Variants in NEDD9 observed in about 807,000 individuals in gnomAD.
NEDD9 encodes the protein enhancer of filamentation 1.
A neutral mutation model predicts 76.6 loss-of-function variants in NEDD9; 26 were observed. That is an observed-to-expected ratio of 0.34 (90% CI 0.25 to 0.47). The LOEUF (loss-of-function observed/expected upper bound fraction) is 0.47, where lower values mean the gene tolerates loss of function less well. Among genes scored for constraint, NEDD9 ranks in the 20% least tolerant of loss-of-function variants. The probability of loss-of-function intolerance (pLI) is 1.00; values close to 1 mark genes in which losing one functional copy is unlikely to be tolerated. For synonymous variants in NEDD9, 392 were observed against 414.2 expected (o/e 0.95, Z 0.65); for missense variants, 937 against 1,058.5 (o/e 0.89, Z 1.59).
At chr6:11,276,389 G>A (rs1450866164) in intron 3 of NEDD9, among the ~76,000 whole-genome samples, 1 of 152,180 alleles carries the variant, frequency 6.6e-6, no homozygotes, top group Non-Finnish European at 1.5e-5. Flanking sequence ...ACGTGTGTGT[G>A]TGCGTGCATG....
chr6:11,201,095 C>T (rs757316022), intron 2 of NEDD9: 4 of 1,611,132 alleles, frequency 2.5e-6, no homozygotes, highest in Non-Finnish European at 3.4e-6. Flanking sequence ...CACATTGTGT[C>T]ACTTGTTCAA....
intron 1 of NEDD9, among the ~76,000 whole-genome samples, chr6:11,358,076 C>T (rs921365719): frequency 6.6e-6 from 1 of 151,906 alleles, no homozygotes; most frequent in Non-Finnish European, 1.5e-5. Flanking sequence ...GGTGAAACCC[C>T]GTCTCTACTA....
intron 1 of NEDD9, among the ~76,000 whole-genome samples, chr6:11,356,461 C>T (rs78969400): frequency 8.7e-4 from 133 of 152,310 alleles, no homozygotes; most frequent in Middle Eastern, 6.8e-3. Context: ...CCACACATCT[C>T]GCAAATGGCC....
At chr6:11,362,698 A>T (rs1045170730) in intron 1 of NEDD9, among the ~76,000 whole-genome samples, 3 of 152,174 alleles carry the variant, frequency 2.0e-5, no homozygotes, top group Admixed American at 1.3e-4. Context: ...ATAGTCACCT[A>T]CTCACTTGGG....
intron 1 of NEDD9, among the ~76,000 whole-genome samples, chr6:11,335,220 G>C (rs1762131776): frequency 6.6e-6 from 1 of 152,198 alleles, no homozygotes; most frequent in Non-Finnish European, 1.5e-5. Flanking sequence ...GCAATGAAAA[G>C]TGGATTTTAT....
chr6:11,368,979 A>G lies in NEDD9; in HGVS notation c.-214+13160T>C, dbSNP rs73722929. The stretch of plus-strand genomic sequence containing the variant: ...ATTGACTCATAAAACCTTCAAAACC[A>G]CCGGTGAGGTAGGGCTCTTATTACC... On this transcript the variant is annotated intron_variant, in intron 1 of 3. Coordinates refer to the NEDD9 transcript ENST00000397378. Among the ~76,000 whole-genome samples, 436 of 152,296 alleles carry G rather than the reference A, an allele frequency of 2.9e-3. 2 individuals carry two copies. The highest frequency in any genetic ancestry group is 9.9e-3 in the African/African-American group (412 of 41,564).
intron 3 of NEDD9, among the ~76,000 whole-genome samples, chr6:11,289,816 G>A (rs1320290119): frequency 2.6e-5 from 4 of 152,076 alleles, no homozygotes; most frequent in Non-Finnish European, 5.9e-5. Flanking sequence ...GGAGGGTAGG[G>A]AAGGAGAGAA....
intron 3 of NEDD9, among the ~76,000 whole-genome samples, chr6:11,268,084 C>G (rs920213813): frequency 3.3e-5 from 5 of 152,172 alleles, no homozygotes. Flanking sequence ...GGCTGGAGTG[C>G]AGTGGCGCGA....
intron 1 of NEDD9, among the ~76,000 whole-genome samples, chr6:11,340,383 T>C (rs958147809): frequency 6.6e-6 from 1 of 152,150 alleles, no homozygotes; most frequent in African/African-American, 2.4e-5. Context: ...TAGTTAACAT[T>C]TGTAGAACGC....
intron 1 of NEDD9, among the ~76,000 whole-genome samples, chr6:11,379,369 C>G (rs1163968787): frequency 6.6e-6 from 1 of 152,148 alleles, no homozygotes; most frequent in East Asian, 1.9e-4. Context: ...GGGCGGGTCA[C>G]CTGAGGTCAG....
At chr6:11,306,202 A>C in intron 2 of NEDD9, 1 of 641,490 alleles carries the variant, frequency 1.6e-6, no homozygotes, top group Non-Finnish European at 2.7e-6. Context: ...ATCTGAAAAA[A>C]ATTGAGATGC....
intron 3 of NEDD9, among the ~76,000 whole-genome samples, chr6:11,253,024 C>T (rs1326381437): frequency 1.3e-5 from 2 of 151,916 alleles, no homozygotes; most frequent in East Asian, 1.9e-4. Context: ...AGTAGGGGCA[C>T]GAGAATGTTT....
chr6:11,214,981 C>T (rs956203810), intron 1 of NEDD9, among the ~76,000 whole-genome samples: 1 of 152,212 alleles, frequency 6.6e-6, no homozygotes, highest in Non-Finnish European at 1.5e-5. Context: ...ATTTTCTTCT[C>T]TAGCAACGTG....
At chr6:11,277,837 C>T (rs1380059541) in intron 3 of NEDD9, among the ~76,000 whole-genome samples, 3 of 152,178 alleles carry the variant, frequency 2.0e-5, no homozygotes, top group African/African-American at 4.8e-5. Flanking sequence ...TTCCCAGCTA[C>T]GGAATGATTA....
chr6:11,186,334 G>A (rs1039342027), intron 6 of NEDD9, among the ~76,000 whole-genome samples: 1 of 152,220 alleles, frequency 6.6e-6, no homozygotes, highest in Non-Finnish European at 1.5e-5. Context: ...CCCCAGAGCT[G>A]TTAAAAGAAG....
chr6:11,275,799 C>T (rs1760404521), intron 3 of NEDD9, among the ~76,000 whole-genome samples: 1 of 152,162 alleles, frequency 6.6e-6, no homozygotes, highest in South Asian at 2.1e-4. Flanking sequence ...TTCCAAGCCA[C>T]TCAAATCACT....
Position 11,241,181 on chromosome 6 carries a change from G to A in NEDD9, c.13-27454C>T, listed in dbSNP as rs958935875. Among the ~76,000 whole-genome samples, 1 of 152,122 alleles carries A rather than the reference G, an allele frequency of 6.6e-6. No homozygotes were observed. Among genetic ancestry groups the A allele is most frequent in the Non-Finnish European group, 1.5e-5 (1 of 68,014 alleles). On this transcript the variant is annotated intron_variant, in intron 3 of 3. Transcript: ENST00000397378. The surrounding 1 kb of genome is among the most constrained non-coding windows in gnomAD (Gnocchi z 4.0). ...ATGAGAGTGGCCGTCTCCTCTTTCC[G>A]GAGGCACTGCCCAAACACAATCATC...
At chr6:11,219,105 G>GA (rs1186494436) in intron 1 of NEDD9, among the ~76,000 whole-genome samples, 2 of 152,168 alleles carry the variant, frequency 1.3e-5, no homozygotes, top group African/African-American at 2.4e-5. Context: ...GGAGTGGGAA[G>GA]AAAATACTGT....
chr6:11,236,890 A>G (rs1759614189), upstream of NEDD9, among the ~76,000 whole-genome samples: 1 of 151,576 alleles, frequency 6.6e-6, no homozygotes, highest in South Asian at 2.1e-4. This position sits in a 1 kb window ranked among gnomAD's most constrained non-coding sequence, Gnocchi z 5.5. Context: ...ATCTGAACCC[A>G]CCCTTTCTTT....
Sources: allele counts gnomAD v4.1 joint callset (sites outside exome capture counted in the v4.1 genomes callset), GRCh38; gene constraint gnomAD v4.1.1; non-coding constraint Gnocchi (gnomAD v3.1); transcripts MANE v1.5; gene names NCBI Gene and HGNC (gene_info 2026-07-23, HGNC 2026-07-21).